The following RABGAP1L variants were observed in gnomAD, a reference collection of about 807,000 sequenced individuals.
RABGAP1L encodes the protein rab GTPase-activating protein 1-like.
Under a neutral mutation model 137.7 loss-of-function variants are expected in RABGAP1L, and 63 were observed. That is an observed-to-expected ratio of 0.46 (90% CI 0.37 to 0.56). RABGAP1L has a LOEUF of 0.56. Ranked by LOEUF, RABGAP1L falls within the 20% of genes least tolerant of loss-of-function variation. The pLI, the probability that RABGAP1L is intolerant of heterozygous loss-of-function variation, is 0.00. For missense variants in RABGAP1L, 1,095 were observed against 1,244.0 expected, an observed-to-expected ratio of 0.88 and a Z score of 1.80; for synonymous variants, 431 against 433.7, an observed-to-expected ratio of 0.99 and a Z score of 0.08.
chr1:174,624,241 G>A (rs1249477686), intron 13 of RABGAP1L, among the ~76,000 whole-genome samples: 2 of 152,102 alleles, frequency 1.3e-5, no homozygotes, highest in African/African-American at 4.8e-5. Context: ...CCCAGCCCAG[G>A]CCCCATCTCC....
chr1:174,954,526 TA>T (rs1019620509), intron 19 of RABGAP1L, among the ~76,000 whole-genome samples: 7 of 151,498 alleles, frequency 4.6e-5, no homozygotes, highest in East Asian at 3.9e-4. Context: ...CTCTTACATG[TA>T]AAAAAAAATT....
intron 13 of RABGAP1L, among the ~76,000 whole-genome samples, chr1:174,536,956 CA>C (rs1230640504): frequency 2.0e-5 from 3 of 151,832 alleles, no homozygotes; most frequent in Non-Finnish European, 4.4e-5. Context: ...CTTGTAAAAC[CA>C]AGGAAATTTT....
intron 14 of RABGAP1L, among the ~76,000 whole-genome samples, chr1:174,677,465 C>G (rs1198625636): frequency 1.3e-5 from 2 of 152,198 alleles, no homozygotes; most frequent in African/African-American, 2.4e-5. Flanking sequence ...TTAATTTCAT[C>G]TGAAGAAAGA....
At chr1:174,315,105 G>A (rs1238745646) in intron 11 of RABGAP1L, among the ~76,000 whole-genome samples, 1 of 152,030 alleles carries the variant, frequency 6.6e-6, no homozygotes, top group Non-Finnish European at 1.5e-5. Context: ...AGGTATTATT[G>A]TGTTGGGGTT....
intron 13 of RABGAP1L, among the ~76,000 whole-genome samples, chr1:174,494,061 G>A (rs1660520283): frequency 6.6e-6 from 1 of 152,076 alleles, no homozygotes; most frequent in African/African-American, 2.4e-5. Flanking sequence ...GTAATTTTGG[G>A]AGTATATATT....
chr1:174,976,371 A>G (rs1053299021), intron 22 of RABGAP1L, among the ~76,000 whole-genome samples, 189 bp downstream of exon 22: 4 of 152,096 alleles, frequency 2.6e-5, no homozygotes, highest in African/African-American at 7.2e-5. Flanking sequence ...GAAGGGTGTT[A>G]AAAGAGGAGG....
intron 5 of RABGAP1L, 58 bp from the exon 6 acceptor site, chr1:174,250,417 G>T (rs570996260): frequency 3.7e-6 from 5 of 1,344,618 alleles, no homozygotes; most frequent in African/African-American, 1.5e-5. Flanking sequence ...AGGAGAGAAG[G>T]ATATCAGAAT....
chr1:174,698,018 G>A (rs1321191418), intron 15 of RABGAP1L, among the ~76,000 whole-genome samples: 3 of 152,210 alleles, frequency 2.0e-5, no homozygotes, highest in Non-Finnish European at 4.4e-5. Context: ...AGAAGTGGCT[G>A]ATTTGTATGA....
intron 1 of RABGAP1L, among the ~76,000 whole-genome samples, chr1:174,196,746 T>G (rs1332036085): frequency 6.6e-6 from 1 of 152,116 alleles, no homozygotes. Flanking sequence ...GAACATCAAT[T>G]AGAAATTTTA....
intron 18 of RABGAP1L, among the ~76,000 whole-genome samples, chr1:174,762,348 C>T (rs1001971535): frequency 1.3e-5 from 2 of 152,164 alleles, no homozygotes; most frequent in Admixed American, 1.3e-4. Context: ...TCCCAATAGA[C>T]CAATCTGTCT....
chr1:174,819,187 T>TG (rs773995217), intron 19 of RABGAP1L, among the ~76,000 whole-genome samples: 1 of 44,840 alleles, frequency 2.2e-5, no homozygotes, highest in Non-Finnish European at 4.1e-5. Flanking sequence ...TGCCTGTCTC[T>TG]AAAAAAAAAA....
rs1404272681 is a variant in RABGAP1L, at chr1:174,696,910, GAGGATGATTGCTGA to G, written c.1900-2602_1900-2589del. Among the ~76,000 whole-genome samples, 7 of 152,172 alleles carry G rather than the reference GAGGATGATTGCTGA, an allele frequency of 4.6e-5. No individual in the cohort carries two copies. The South Asian group carries it at 1.4e-3, about 32-fold the overall frequency. On this transcript the variant is annotated intron_variant, in intron 15 of 25. Transcript: ENST00000681986. ...GTTGTTCAATTTGGTGTTCTTGAGG[GAGGATGATTGCTGA>G]AGGATGATTGCTATTTGGCCATCTA...
intron 24 of RABGAP1L, among the ~76,000 whole-genome samples, chr1:174,986,607 G>A (rs910716375): frequency 6.6e-6 from 1 of 152,214 alleles, no homozygotes; most frequent in African/African-American, 2.4e-5. Flanking sequence ...GTAGCACGAG[G>A]CTCGGTAGAG....
chr1:174,451,573 C>T (rs1391790428), intron 13 of RABGAP1L, among the ~76,000 whole-genome samples: 3 of 152,164 alleles, frequency 2.0e-5, no homozygotes, highest in South Asian at 2.1e-4. Context: ...CAGAGGTTCC[C>T]GCCCATCCAG....
At position 174,993,114 on chromosome 1, in the gene RABGAP1L, T is replaced by C. The variant is rs1672165059; in HGVS notation, c.*3113T>C. Reference sequence around the variant, plus strand: ...AATCTGAAAGAAACCAAGCTGGATTTTGCAGTGCATATGTTTGCTAGCTTC... The same window carrying C: ...AATCTGAAAGAAACCAAGCTGGATTCTGCAGTGCATATGTTTGCTAGCTTC... On this transcript the variant is annotated 3_prime_UTR_variant, in exon 26 of 26. Transcript: ENST00000681986. 1 of 152,258 alleles carries C rather than the reference T, an allele frequency of 6.6e-6. No homozygotes were observed. Among genetic ancestry groups the C allele is most frequent in the African/African-American group, 2.4e-5 (1 of 41,480 alleles). The allele number at this position is 152,258 out of a possible 1,614,324, so 9.4% of individuals were successfully genotyped here.
chr1:174,630,201 T>C (rs1329519711), intron 13 of RABGAP1L, among the ~76,000 whole-genome samples: 2 of 149,768 alleles, frequency 1.3e-5, no homozygotes, highest in South Asian at 2.2e-4. Flanking sequence ...CATTTATTGA[T>C]TTGCGTATAT....
chr1:174,437,738 G>C (rs191181485), intron 13 of RABGAP1L, among the ~76,000 whole-genome samples: 1 of 152,092 alleles, frequency 6.6e-6, no homozygotes, highest in Non-Finnish European at 1.5e-5. Flanking sequence ...GATACTCCTC[G>C]AGAAGAGCAA....
rs889724913 is a variant in RABGAP1L, at chr1:174,235,090, A to G, written c.542+3735A>G. ...GTTTGTTTGTTGTTGGTGTATAAGAATGCTTGTGATTTTTGTACATTGATT... is the reference window on the plus strand; with the variant it reads ...GTTTGTTTGTTGTTGGTGTATAAGAGTGCTTGTGATTTTTGTACATTGATT... On this transcript the variant is annotated intron_variant, in intron 4 of 25. Transcript: ENST00000681986. Among the ~76,000 whole-genome samples the G allele has an allele frequency of 1.7e-4, 24 of 141,324 alleles. No individual in the cohort carries two copies. In the South Asian group the frequency reaches 3.3e-3, roughly 19 times the overall value. The allele number at this position is 141,324 out of a possible 152,430, so 92.7% of individuals were successfully genotyped here.
chr1:174,576,462 T>C (rs1050676632), intron 13 of RABGAP1L, among the ~76,000 whole-genome samples: 1 of 152,208 alleles, frequency 6.6e-6, no homozygotes, highest in African/African-American at 2.4e-5. Flanking sequence ...TGCACATCCA[T>C]TCATAGGCTC....
Sources: gnomAD v4.1 joint callset for allele counts (sites outside exome capture counted in the v4.1 genomes callset) on GRCh38, gnomAD v4.1.1 for gene constraint, MANE v1.5 for transcripts, NCBI Gene and HGNC (gene_info 2026-07-23, HGNC 2026-07-21) for gene names.